The following TJP2 variants were observed in gnomAD, a reference collection of about 807,000 sequenced individuals.
TJP2 encodes Friedreich ataxia region gene X104 (tight junction protein ZO-2).
In TJP2, 91 loss-of-function variants were observed where a neutral mutation model predicts 133.1. That is an observed-to-expected ratio of 0.68 (90% CI 0.58 to 0.81). TJP2 has a LOEUF of 0.81. Ranked by LOEUF, TJP2 falls within the 40% of genes least tolerant of loss-of-function variation. TJP2 has a pLI of 0.00. For synonymous variants in TJP2, 592 were observed against 583.4 expected (o/e 1.01, Z -0.21); for missense variants, 1,541 against 1,565.6 (o/e 0.98, Z 0.26).
At chr9:69,191,558 G>T (rs1340149797) in intron 1 of TJP2, among the ~76,000 whole-genome samples, 2 of 152,172 alleles carry the variant, frequency 1.3e-5, no homozygotes, top group Non-Finnish European at 2.9e-5. Flanking sequence ...TTGAGCGAAT[G>T]AATGTATGTA....
At chr9:69,137,285 TTC>T (rs1822803060) in intron 1 of TJP2, among the ~76,000 whole-genome samples, 1 of 87,226 alleles carries the variant, frequency 1.1e-5, no homozygotes. Context: ...CTTTCTTTCT[TTC>T]TTTCTTTCTT....
chr9:69,167,239 CAT>C (rs1417463279), intron 2 of TJP2, among the ~76,000 whole-genome samples: 1 of 152,064 alleles, frequency 6.6e-6, no homozygotes, highest in Non-Finnish European at 1.5e-5. Flanking sequence ...GTCTCAAAAA[CAT>C]AAAAATAAAA....
chr9:69,228,444 C>A (rs1205802997), intron 9 of TJP2, among the ~76,000 whole-genome samples: 3 of 152,134 alleles, frequency 2.0e-5, no homozygotes, highest in African/African-American at 7.2e-5. Context: ...CAGTTGTACC[C>A]CAAACCTCAG....
At chr9:69,133,786 A>G (rs1208954500) in intron 1 of TJP2, among the ~76,000 whole-genome samples, 1 of 151,830 alleles carries the variant, frequency 6.6e-6, no homozygotes, top group Non-Finnish European at 1.5e-5. Flanking sequence ...CCTGACCTCA[A>G]GTGACCCGCC....
intron 2 of TJP2, among the ~76,000 whole-genome samples, chr9:69,166,119 TTA>T (rs918799529): frequency 1.1e-4 from 3 of 26,198 alleles, no homozygotes; most frequent in Non-Finnish European, 3.0e-4. Flanking sequence ...TAATTCTTTT[TTA>T]TTTTTTTTTG....
chr9:69,158,588 ATTC>A lies in TJP2; in HGVS notation c.-10+6826_-10+6828del, dbSNP rs774835164. Among the ~76,000 whole-genome samples the A allele has an allele frequency of 1.0e-3, 154 of 151,986 alleles. 2 individuals carry two copies. The highest frequency in any genetic ancestry group is 3.3e-3 in the African/African-American group (136 of 41,442). On this transcript the variant is annotated intron_variant, in intron 2 of 5. Coordinates refer to the TJP2 transcript ENST00000423935. ...TAAACGTTGCTGTTTAAGGAAGCTT[ATTC>A]TTCTTCTTATTTTCAAGACAGGGTC... is the stretch of plus-strand genomic sequence containing the variant.
chr9:69,221,793 C>T (rs1233738512), intron 5 of TJP2, among the ~76,000 whole-genome samples: 4 of 151,798 alleles, frequency 2.6e-5, no homozygotes, highest in African/African-American at 4.8e-5. Flanking sequence ...TTGAGGTGAT[C>T]CGTCCACCTG....
chr9:69,123,899 G>T (rs1822242743), intron 1 of TJP2, among the ~76,000 whole-genome samples: 1 of 75,650 alleles, frequency 1.3e-5, no homozygotes, highest in Non-Finnish European at 3.0e-5. Flanking sequence ...ACGGAGTCTC[G>T]CTCTGTCGCC....
intron 4 of TJP2, among the ~76,000 whole-genome samples, chr9:69,219,267 C>A (rs1828626918): frequency 6.6e-6 from 1 of 152,102 alleles, no homozygotes; most frequent in Non-Finnish European, 1.5e-5. Context: ...CCTCACCCGG[C>A]CACATATATG....
At chr9:69,160,821 C>T (rs1824028412) in intron 2 of TJP2, among the ~76,000 whole-genome samples, 3 of 152,196 alleles carry the variant, frequency 2.0e-5, no homozygotes, top group South Asian at 2.1e-4. Flanking sequence ...TGCAGGGAAA[C>T]TCCCTTTTTT....
intron 2 of TJP2, among the ~76,000 whole-genome samples, chr9:69,158,056 T>C (rs372876314): frequency 1.3e-5 from 2 of 151,720 alleles, no homozygotes; most frequent in Non-Finnish European, 1.5e-5. Context: ...GATTCACTCC[T>C]GTAATCCCAG....
chr9:69,248,486 G>A (rs1483838768), intron 19 of TJP2: 2 of 1,318,460 alleles, frequency 1.5e-6, no homozygotes, highest in African/African-American at 3.0e-5. Context: ...TAAACAGAAT[G>A]GCTTTAGGTG....
At chr9:69,193,243 TA>T (rs1826326310) in intron 1 of TJP2, among the ~76,000 whole-genome samples, 1 of 152,128 alleles carries the variant, frequency 6.6e-6, no homozygotes, top group Non-Finnish European at 1.5e-5. Flanking sequence ...AGTCTATTTC[TA>T]ATTTCATCTA....
chr9:69,249,867 C>A, intron 20 of TJP2: 2 of 459,716 alleles, frequency 4.4e-6, no homozygotes, highest in Non-Finnish European at 5.7e-6. Context: ...GATTTAGATG[C>A]ACCAGATAAT....
At chr9:69,195,949 A>G (rs1024507734) in intron 1 of TJP2, among the ~76,000 whole-genome samples, 1 of 152,192 alleles carries the variant, frequency 6.6e-6, no homozygotes, top group Non-Finnish European at 1.5e-5. Flanking sequence ...AGCACCAACA[A>G]TCATGTTTTT....
chr9:69,233,368 A>T (rs949641062), intron 11 of TJP2, among the ~76,000 whole-genome samples: 2 of 152,270 alleles, frequency 1.3e-5, no homozygotes, highest in Non-Finnish European at 2.9e-5. Context: ...AAAATATTTC[A>T]TAGGAATTTT....
intron 17 of TJP2, among the ~76,000 whole-genome samples, chr9:69,243,813 C>T (rs563817281): frequency 7.9e-5 from 12 of 152,270 alleles, no homozygotes; most frequent in African/African-American, 2.6e-4. Flanking sequence ...GGGGGTCTAG[C>T]GTGCCACTGT....
intron 1 of TJP2, among the ~76,000 whole-genome samples, chr9:69,206,360 T>G (rs1233800638): frequency 1.3e-5 from 2 of 152,110 alleles, no homozygotes; most frequent in African/African-American, 4.8e-5. Context: ...TTACCCTCTT[T>G]GCCCCTTTCA....
chr9:69,128,524 ATTTTT>A (rs149373683), intron 1 of TJP2, among the ~76,000 whole-genome samples: 1 of 121,336 alleles, frequency 8.2e-6, no homozygotes, highest in Non-Finnish European at 1.7e-5. Flanking sequence ...TTATTAGACC[ATTTTT>A]TTTTTTTTTT....
Sources: allele counts gnomAD v4.1 joint callset (sites outside exome capture counted in the v4.1 genomes callset), GRCh38; gene constraint gnomAD v4.1.1; transcripts MANE v1.5; gene names NCBI Gene and HGNC (gene_info 2026-07-23, HGNC 2026-07-21).